Variants in KLHL3 observed in about 807,000 individuals in gnomAD.
KLHL3 encodes the protein kelch like family member 3, also known as kelch-like protein 3.
Under a neutral mutation model 70.5 loss-of-function variants are expected in KLHL3, and 19 were observed. That is an observed-to-expected ratio of 0.27 (90% CI 0.19 to 0.40). The LOEUF (loss-of-function observed/expected upper bound fraction) is 0.40. Among genes scored for constraint, KLHL3 ranks in the 10% least tolerant of loss-of-function variants. KLHL3 has a pLI of 1.00. For missense variants in KLHL3, 512 were observed against 771.1 expected (o/e 0.66, Z 3.98); for synonymous variants, 258 against 290.3 (o/e 0.89, Z 1.13).
At chr5:137,674,950 G>A (rs1191123306) in intron 6 of KLHL3, among the ~76,000 whole-genome samples, 1 of 152,156 alleles carries the variant, frequency 6.6e-6, no homozygotes, top group African/African-American at 2.4e-5. Context: ...TTAACTTCCA[G>A]CAAGACATGA....
intron 7 of KLHL3, among the ~76,000 whole-genome samples, chr5:137,659,932 A>G (rs1376921454): frequency 6.6e-6 from 1 of 151,576 alleles, no homozygotes; most frequent in African/African-American, 2.4e-5. Flanking sequence ...TTTGTGAAAG[A>G]AAAAAAAACC....
intron 1 of KLHL3, among the ~76,000 whole-genome samples, chr5:137,721,913 A>C (rs1255118533): frequency 2.6e-5 from 4 of 152,264 alleles, no homozygotes; most frequent in Admixed American, 1.3e-4. Flanking sequence ...AGAATGAGCA[A>C]GGAAAGGTGT....
intron 2 of KLHL3, among the ~76,000 whole-genome samples, chr5:137,713,417 C>T (rs1274446016): frequency 6.6e-6 from 1 of 152,118 alleles, no homozygotes; most frequent in Non-Finnish European, 1.5e-5. Context: ...GTAGCAAGAT[C>T]ATTCAACTGG....
chr5:137,652,059 AC>A, intron 8 of KLHL3, among the ~76,000 whole-genome samples: 1 of 152,268 alleles, frequency 6.6e-6, no homozygotes. Context: ...ACAAAAAAAA[AC>A]TTCTCAAAAT....
Position 137,628,720 on chromosome 5 carries a change from C to CACAG in KLHL3, c.1451-287_1451-284dup, listed in dbSNP as rs56255318. On this transcript the variant is annotated intron_variant, in intron 12 of 14. Transcript: ENST00000309755. ...AAATATATATATATATATACACACA[C>CACAG]ACAGACAGACAGACATACATACATA... is the stretch of plus-strand genomic sequence containing the variant. 36 of 155,548 alleles carry CACAG rather than the reference C, an allele frequency of 2.3e-4. 1 individual carries two copies. The highest frequency in any genetic ancestry group is 2.6e-3 in the Middle Eastern group (1 of 382). The allele number at this position is 155,548 out of a possible 1,614,324, so 9.6% of individuals were successfully genotyped here. A position where few individuals can be genotyped will look rare whatever the true frequency, so the allele number is the denominator to read the frequency against.
chr5:137,733,813 G>A (rs1753217756), intron 1 of KLHL3, among the ~76,000 whole-genome samples: 2 of 152,170 alleles, frequency 1.3e-5, no homozygotes, highest in Admixed American at 1.3e-4. Flanking sequence ...GTATATGAGT[G>A]AGCAGTGGAA....
chr5:137,699,550 A>G lies in KLHL3; in HGVS notation c.242-1142T>C, dbSNP rs1212707879. ...AGCTGGAGGCCCTGATAATAATCCAAAAAAGAGAGAAGGCAGGGCTGTAAA... is the reference window on the plus strand; with the variant it reads ...AGCTGGAGGCCCTGATAATAATCCAGAAAAGAGAGAAGGCAGGGCTGTAAA... On this transcript the variant is annotated intron_variant, in intron 3 of 14. Coordinates refer to ENST00000309755, the MANE Select transcript of KLHL3 (RefSeq NM_017415.3). Among the ~76,000 whole-genome samples the G allele has an allele frequency of 2.0e-5, 3 of 152,330 alleles. No individual in the cohort carries two copies. In the East Asian group the frequency reaches 5.8e-4, roughly 29 times the overall value.
intron 8 of KLHL3, among the ~76,000 whole-genome samples, chr5:137,657,101 A>G (rs1378792159): frequency 6.6e-6 from 1 of 152,238 alleles, no homozygotes; most frequent in Admixed American, 6.5e-5. Flanking sequence ...GTCAAGGAGC[A>G]GAGGGGAAAG....
At chr5:137,630,469 G>A (rs370752443) in intron 12 of KLHL3, among the ~76,000 whole-genome samples, 18 of 151,908 alleles carry the variant, frequency 1.2e-4, no homozygotes, top group African/African-American at 3.9e-4. Flanking sequence ...CTCCAACTTC[G>A]TGCCTGGCTG....
At position 137,735,753 on chromosome 5, in the gene KLHL3, A is replaced by G. The variant is rs1753251364; in HGVS notation, c.-107T>C. 2.0e-6 allele frequency: 3 copies of G among 1,477,600 alleles called. No individual in the cohort carries two copies. The highest frequency in any genetic ancestry group is 1.4e-5 in the African/African-American group (1 of 72,166). The allele number at this position is 1,477,600 out of a possible 1,614,324, so 91.5% of individuals were successfully genotyped here. A position where few individuals can be genotyped will look rare whatever the true frequency, so the allele number is the denominator to read the frequency against. The stretch of plus-strand genomic sequence containing the variant: ...AGACCAGTGGGAAATCTGATCAGCA[A>G]CAGTGATTCAGCATGGCTGCAAGTG... On this transcript the variant is annotated 5_prime_UTR_variant, in exon 1 of 15. Coordinates refer to ENST00000309755, the MANE Select transcript of KLHL3 (RefSeq NM_017415.3).
At chr5:137,651,917 T>C (rs1235345386) in intron 8 of KLHL3, among the ~76,000 whole-genome samples, 1 of 152,148 alleles carries the variant, frequency 6.6e-6, no homozygotes, top group Admixed American at 6.5e-5. Flanking sequence ...CAATTATTTA[T>C]AACAAAAGTG....
At chr5:137,674,866 GAC>G (rs1329515329) in intron 6 of KLHL3, among the ~76,000 whole-genome samples, 3 of 152,174 alleles carry the variant, frequency 2.0e-5, no homozygotes. Context: ...TCCTGGAGCA[GAC>G]ACAGAATTTT....
At chr5:137,694,972 G>C (rs1227364613) in intron 4 of KLHL3, among the ~76,000 whole-genome samples, 1 of 152,046 alleles carries the variant, frequency 6.6e-6, no homozygotes, top group South Asian at 2.1e-4. Flanking sequence ...CCATCCAAGA[G>C]GATTTCTGAG....
In KLHL3 at chr5:137,634,837, C is replaced by T. The variant is rs993793073; in HGVS notation, c.1322-672G>A. On this transcript the variant is annotated intron_variant, in intron 11 of 14. Transcript: ENST00000309755. Reference sequence around the variant, plus strand: ...CCATTAAGCTGCTACCCAAGAGCATCATTTCTGCCTGGGGCTGGGGGCTGA... The same window carrying T: ...CCATTAAGCTGCTACCCAAGAGCATTATTTCTGCCTGGGGCTGGGGGCTGA... 3.9e-5 allele frequency among the ~76,000 whole-genome samples: 6 copies of T among 152,248 alleles called. No homozygotes were observed. The East Asian group carries it at 1.2e-3, about 29-fold the overall frequency.
chr5:137,619,712 A>G lies in KLHL3; in HGVS notation c.*2386T>C, dbSNP rs1224815439. 6.5e-6 allele frequency: 1 copy of G among 152,710 alleles called. No individual in the cohort carries two copies. Among genetic ancestry groups the G allele is most frequent in the Non-Finnish European group, 1.5e-5 (1 of 68,080 alleles). 9.5% of individuals were successfully genotyped at this position (152,710 alleles called of 1,614,324 possible). On this transcript the variant is annotated 3_prime_UTR_variant, in exon 15 of 15. Coordinates refer to ENST00000309755, the MANE Select transcript of KLHL3 (RefSeq NM_017415.3). Reference sequence around the variant, plus strand: ...TCCCCGTGAAAAAGGATACATGAGGATGGAGTGCACATGGCCTTGGCAGCA... The same window carrying G: ...TCCCCGTGAAAAAGGATACATGAGGGTGGAGTGCACATGGCCTTGGCAGCA...
At chr5:137,646,177 T>C (rs1393300065) in intron 8 of KLHL3, among the ~76,000 whole-genome samples, 1 of 151,958 alleles carries the variant, frequency 6.6e-6, no homozygotes, top group Non-Finnish European at 1.5e-5. Flanking sequence ...AACAAGTATA[T>C]GAAAAAAAAT....
chr5:137,722,423 G>A (rs1485372064), intron 1 of KLHL3, among the ~76,000 whole-genome samples: 3 of 152,142 alleles, frequency 2.0e-5, no homozygotes, highest in Admixed American at 2.0e-4. Flanking sequence ...TATGCACAAA[G>A]GAAGATGCTT....
rs77755590 is a variant in KLHL3, at chr5:137,635,366, C to T, written c.1322-1201G>A. Among the ~76,000 whole-genome samples, 544 of 152,296 alleles carry T rather than the reference C, an allele frequency of 3.6e-3. 3 individuals are homozygous for T. Among genetic ancestry groups the T allele is most frequent in the African/African-American group, 0.013 (528 of 41,554 alleles). ...TTTTTAAAAACCTGACTAAGCAGCT[C>T]TTCTAGGGTCCAGGCTACTTGCATG... is the stretch of plus-strand genomic sequence containing the variant. On this transcript the variant is annotated intron_variant, in intron 11 of 14. Transcript: ENST00000309755.
intron 5 of KLHL3, among the ~76,000 whole-genome samples, chr5:137,681,276 G>A (rs1057181617): frequency 3.9e-5 from 6 of 152,112 alleles, no homozygotes; most frequent in Admixed American, 2.6e-4. Context: ...AACTCTTAAC[G>A]TATGATGTAT....
Sources: allele counts gnomAD v4.1 joint callset (sites outside exome capture counted in the v4.1 genomes callset), GRCh38; gene constraint gnomAD v4.1.1; transcripts MANE v1.5; gene names NCBI Gene and HGNC (gene_info 2026-07-23, HGNC 2026-07-21).